PPP4R3A: variants seen among roughly 807,000 people sequenced by gnomAD.
PPP4R3A encodes protein phosphatase 4 regulatory subunit 3A, also known as serine/threonine-protein phosphatase 4 regulatory subunit 3A.
In PPP4R3A, 15 loss-of-function variants were observed where a neutral mutation model predicts 91.7. The observed-to-expected ratio is 0.16, with a 90% CI of 0.11 to 0.25. PPP4R3A has a LOEUF of 0.25. Ranked by LOEUF, PPP4R3A falls within the 10% of genes least tolerant of loss-of-function variation. The pLI is 1.00. For missense variants in PPP4R3A, 623 were observed against 998.4 expected, an observed-to-expected ratio of 0.62 and a Z score of 5.07; for synonymous variants, 377 against 348.7, an observed-to-expected ratio of 1.08 and a Z score of -0.91.
chr14:91,465,537 T>G, intron 10 of PPP4R3A, 118 bp from the exon 11 acceptor site: 1 of 836,856 alleles, frequency 1.2e-6, no homozygotes, highest in Non-Finnish European at 1.7e-6. Flanking sequence ...AATAATTATT[T>G]ATGATGTTTG....
At chr14:91,494,908 C>T (rs1385187154) in intron 1 of PPP4R3A, among the ~76,000 whole-genome samples, 1 of 152,032 alleles carries the variant, frequency 6.6e-6, no homozygotes. Flanking sequence ...CATTTAGTAC[C>T]CACTAGAATG....
intron 2 of PPP4R3A, among the ~76,000 whole-genome samples, chr14:91,490,312 A>C (rs1890163566): frequency 6.6e-6 from 1 of 152,216 alleles, no homozygotes; most frequent in Middle Eastern, 3.2e-3. Context: ...TATCATAATA[A>C]GACCCTATTC....
In PPP4R3A at chr14:91,458,882, A is replaced by G; in HGVS notation, c.2392-13T>C. 2 of 1,590,754 alleles carry G rather than the reference A, an allele frequency of 1.3e-6. No individual in the cohort carries two copies. Among genetic ancestry groups the G allele is most frequent in the Non-Finnish European group, 1.7e-6 (2 of 1,169,428 alleles). On this transcript the variant is annotated splice_polypyrimidine_tract_variant and intron_variant, in intron 14 of 14. Transcript: ENST00000554943. ...CCACGAGGCCTCCCTGTTAAGAAATAAGGATTATTTAAAGAACAGAAAATA... is the reference window on the plus strand; with the variant it reads ...CCACGAGGCCTCCCTGTTAAGAAATGAGGATTATTTAAAGAACAGAAAATA...
chr14:91,472,618 C>T (rs1888920662), intron 9 of PPP4R3A, among the ~76,000 whole-genome samples: 1 of 152,024 alleles, frequency 6.6e-6, no homozygotes, highest in Admixed American at 6.6e-5. Flanking sequence ...GCACCTGCCA[C>T]CACGCCCAGC....
chr14:91,460,279 C>T (rs192341937), intron 14 of PPP4R3A, among the ~76,000 whole-genome samples: 522 of 152,250 alleles, frequency 3.4e-3, no homozygotes, highest in Non-Finnish European at 5.9e-3. Flanking sequence ...TCCCAAAGCA[C>T]TGGGATTACG....
intron 1 of PPP4R3A, among the ~76,000 whole-genome samples, chr14:91,499,940 A>G (rs1890838699): frequency 3.3e-5 from 5 of 151,948 alleles, no homozygotes; most frequent in Admixed American, 3.3e-4. Context: ...ACAACACAAC[A>G]CTACACCTCT....
At chr14:91,483,844 TTATGA>T (rs1402606078) in intron 3 of PPP4R3A, among the ~76,000 whole-genome samples, 38 of 152,160 alleles carry the variant, frequency 2.5e-4, no homozygotes, top group Admixed American at 2.5e-3. Context: ...ATGAAAAACT[TTATGA>T]TATTAAAGAC....
At chr14:91,462,362 A>C in intron 12 of PPP4R3A, 123 bp from the exon 13 acceptor site, 1 of 976,802 alleles carries the variant, frequency 1.0e-6, no homozygotes, top group Non-Finnish European at 1.4e-6. Flanking sequence ...TAAAGTATCA[A>C]TGTAAATCCA....
chr14:91,471,921 C>T (rs1251656610), intron 9 of PPP4R3A, among the ~76,000 whole-genome samples: 1 of 151,800 alleles, frequency 6.6e-6, no homozygotes, highest in Non-Finnish European at 1.5e-5. Flanking sequence ...AAAAATTAGC[C>T]AGGCATGGTG....
At chr14:91,462,386 A>C in intron 12 of PPP4R3A, 147 bp from the exon 13 acceptor site, 1 of 887,228 alleles carries the variant, frequency 1.1e-6, no homozygotes, top group Non-Finnish European at 1.6e-6. Context: ...ATTTAGATTA[A>C]TGTACAAAAT....
intron 10 of PPP4R3A, among the ~76,000 whole-genome samples, chr14:91,466,849 T>G (rs1274502496): frequency 1.3e-5 from 2 of 152,078 alleles, no homozygotes; most frequent in Non-Finnish European, 2.9e-5. Context: ...AGACCACATT[T>G]TAAACTTGTA....
chr14:91,480,771 C>T (rs1889508567), intron 4 of PPP4R3A, among the ~76,000 whole-genome samples: 1 of 152,146 alleles, frequency 6.6e-6, no homozygotes, highest in South Asian at 2.1e-4. Flanking sequence ...TATGGTGGCT[C>T]ACAACTGTAA....
chr14:91,498,694 C>T (rs1421507301), intron 1 of PPP4R3A, among the ~76,000 whole-genome samples: 1 of 151,706 alleles, frequency 6.6e-6, no homozygotes, highest in East Asian at 2.0e-4. Flanking sequence ...GCAGGTGGAT[C>T]ACGAGGTCAG....
At chr14:91,499,810 G>C (rs1342554680) in intron 1 of PPP4R3A, among the ~76,000 whole-genome samples, 1 of 125,454 alleles carries the variant, frequency 8.0e-6, no homozygotes, top group Non-Finnish European at 1.7e-5. Context: ...GACAGAGCGA[G>C]ACTCCACCTC....
chr14:91,485,753 T>C (rs778945005), intron 2 of PPP4R3A, 23 bp from the exon 3 acceptor site: 10 of 1,510,942 alleles, frequency 6.6e-6, no homozygotes, highest in Non-Finnish European at 8.1e-6. Flanking sequence ...AAAAGGAGTC[T>C]GAATGATTAA....
At chr14:91,477,077 T>A in intron 4 of PPP4R3A, 91 bp from the exon 5 acceptor site, 1 of 927,374 alleles carries the variant, frequency 1.1e-6, no homozygotes, top group Non-Finnish European at 1.6e-6. Flanking sequence ...CAGCAATAAC[T>A]ATAAAAAGGA....
At chr14:91,506,378 G>T (rs1205633766) in intron 1 of PPP4R3A, among the ~76,000 whole-genome samples, 1 of 152,188 alleles carries the variant, frequency 6.6e-6, no homozygotes, top group South Asian at 2.1e-4. Flanking sequence ...AGACACTGTT[G>T]TAAGAATTAC....
At chr14:91,487,713 GTTTTTT>G (rs10590794) in intron 2 of PPP4R3A, among the ~76,000 whole-genome samples, 1 of 151,130 alleles carries the variant, frequency 6.6e-6, no homozygotes, top group Non-Finnish European at 1.5e-5. Context: ...GGACACTTCT[GTTTTTT>G]TTTGTTTGTT....
chr14:91,483,718 C>G (rs544300043), intron 3 of PPP4R3A, among the ~76,000 whole-genome samples: 47 of 152,190 alleles, frequency 3.1e-4, no homozygotes, highest in African/African-American at 1.1e-3. Flanking sequence ...GAAGTTCAGA[C>G]AGAACCCATA....
Sources: allele counts gnomAD v4.1 joint callset (sites outside exome capture counted in the v4.1 genomes callset), GRCh38; gene constraint gnomAD v4.1.1; transcripts MANE v1.5; gene names NCBI Gene and HGNC (gene_info 2026-07-23, HGNC 2026-07-21).